Variants in EEF1G observed in about 807,000 individuals in gnomAD.
EEF1G encodes elongation factor 1-gamma.
EEF1G carries 14 observed loss-of-function variants against 58.3 expected under a neutral mutation model. That is an observed-to-expected ratio of 0.24 (90% CI 0.16 to 0.38). The LOEUF (loss-of-function observed/expected upper bound fraction) is 0.38, where lower values mean the gene tolerates loss of function less well. Ranked by LOEUF, EEF1G falls within the 10% of genes least tolerant of loss-of-function variation. The pLI, the probability that EEF1G is intolerant of heterozygous loss-of-function variation, is 1.00. For missense variants in EEF1G, 322 were observed against 550.1 expected (o/e 0.59, Z 4.15); for synonymous variants, 180 against 206.8 (o/e 0.87, Z 1.11).
chr11:62,562,626 A>C (rs765601335), intron 7 of EEF1G, among the ~76,000 whole-genome samples: 32 of 151,986 alleles, frequency 2.1e-4, no homozygotes, highest in Admixed American at 3.9e-4. Context: ...GATTACAGGC[A>C]CGTGCCACTA....
Position 62,564,485 on chromosome 11 carries a change from G to T in EEF1G, c.857+2321C>A, listed in dbSNP as rs1007862233. On this transcript the variant is annotated intron_variant, in intron 7 of 9. Coordinates refer to ENST00000329251, the MANE Select transcript of EEF1G (RefSeq NM_001404.5). ...TCTCACAAAAAAAAAAAAAAAGGCC[G>T]GGAGCAGTGGCTCATATCTGTAATC... Among the ~76,000 whole-genome samples, 5 of 149,992 alleles carry T rather than the reference G, an allele frequency of 3.3e-5. No individual in the cohort carries two copies. In the East Asian group the frequency reaches 9.7e-4, roughly 29 times the overall value.
At chr11:62,561,676 A>C (rs576264372) in intron 7 of EEF1G, among the ~76,000 whole-genome samples, 160 of 25,474 alleles carry the variant, frequency 6.3e-3, no homozygotes, top group Middle Eastern at 0.023. Flanking sequence ...AAAAACAAAA[A>C]AAAAACAAAA....
At chr11:62,564,850 G>A (rs1590708189) in intron 7 of EEF1G, among the ~76,000 whole-genome samples, 2 of 149,216 alleles carry the variant, frequency 1.3e-5, no homozygotes, top group African/African-American at 2.5e-5. Context: ...GGCGGATCAC[G>A]AGGTCAAGAG....
At chr11:62,566,179 C>T (rs1298148435) in intron 7 of EEF1G, among the ~76,000 whole-genome samples, 2 of 152,220 alleles carry the variant, frequency 1.3e-5, no homozygotes, top group African/African-American at 2.4e-5. Context: ...CCAAAAATCT[C>T]GTTTTTACTA....
In EEF1G at chr11:62,559,856, C is replaced by T; in HGVS notation, c.1156-19G>A. Reference sequence around the variant, plus strand: ...GACTCAGCTGGGGATAAAAAGCCAGCATGTGGTCAAGTTATGAGACACCAC... The same window carrying T: ...GACTCAGCTGGGGATAAAAAGCCAGTATGTGGTCAAGTTATGAGACACCAC... On this transcript the variant is annotated intron_variant, in intron 9 of 9. Coordinates refer to ENST00000329251, the MANE Select transcript of EEF1G (RefSeq NM_001404.5). 1 of 1,613,940 alleles carries T rather than the reference C, an allele frequency of 6.2e-7. No homozygotes were observed. The highest frequency in any genetic ancestry group is 8.5e-7 in the Non-Finnish European group (1 of 1,179,858).
At chr11:62,568,548 T>A (rs1335181353) in intron 5 of EEF1G, among the ~76,000 whole-genome samples, 1 of 152,094 alleles carries the variant, frequency 6.6e-6, no homozygotes, top group Non-Finnish European at 1.5e-5. Flanking sequence ...TTTCTTTTTC[T>A]AATCTTTTTT....
chr11:62,567,735 CA>C (rs753506099), intron 5 of EEF1G, among the ~76,000 whole-genome samples: 1 of 150,322 alleles, frequency 6.7e-6, no homozygotes, highest in East Asian at 2.0e-4. Flanking sequence ...GACAGAGTCT[CA>C]CTCTATCGCT....
At chr11:62,566,053 A>C (rs1590708747) in intron 7 of EEF1G, among the ~76,000 whole-genome samples, 1 of 152,212 alleles carries the variant, frequency 6.6e-6, no homozygotes, top group South Asian at 2.1e-4. Context: ...AAGTGACCAC[A>C]GAATATATAT....
In EEF1G at chr11:62,571,822, T is replaced by C. The variant is rs749754093; in HGVS notation, c.235+16A>G. On this transcript the variant is annotated intron_variant, in intron 3 of 9. Coordinates refer to ENST00000329251, the MANE Select transcript of EEF1G (RefSeq NM_001404.5). ...ACCTCCAAATTCTCCCATTCCCATA[T>C]ACCCCTGCAAATTACCATAGTAGGC... 4 of 1,583,648 alleles carry C rather than the reference T, an allele frequency of 2.5e-6. No individual in the cohort carries two copies. Among genetic ancestry groups the C allele is most frequent in the Non-Finnish European group, 3.4e-6 (4 of 1,164,648 alleles).
At chr11:62,567,863 G>A (rs1941575174) in intron 5 of EEF1G, among the ~76,000 whole-genome samples, 1 of 151,764 alleles carries the variant, frequency 6.6e-6, no homozygotes, top group Non-Finnish European at 1.5e-5. Context: ...GGGACTACAG[G>A]TGCCTGCCAC....
intron 5 of EEF1G, among the ~76,000 whole-genome samples, chr11:62,568,175 C>T (rs1293577470): frequency 4.0e-5 from 6 of 148,982 alleles, no homozygotes; most frequent in Non-Finnish European, 8.9e-5. Flanking sequence ...TTGCAGTGAG[C>T]GGAGATCGCG....
At chr11:62,571,497 T>C (rs1172175317) in intron 4 of EEF1G, 43 bp downstream of exon 4, 3 of 1,562,982 alleles carry the variant, frequency 1.9e-6, no homozygotes, top group Non-Finnish European at 1.7e-6. Context: ...CAGGAGCTGA[T>C]GCCACCCCTG....
intron 4 of EEF1G, 72 bp from the exon 5 acceptor site, chr11:62,571,180 C>T: frequency 1.9e-6 from 3 of 1,603,110 alleles, no homozygotes; most frequent in Non-Finnish European, 2.6e-6. Context: ...ATTAATAGAA[C>T]TAAGAGGGCT....
chr11:62,565,878 CA>C (rs1941549868), intron 7 of EEF1G, among the ~76,000 whole-genome samples: 1 of 152,146 alleles, frequency 6.6e-6, no homozygotes. Flanking sequence ...GTGTCCCTAC[CA>C]GTGGGTGCTC....
At chr11:62,560,567 G>A in intron 7 of EEF1G, 113 bp from the exon 8 acceptor site, 5 of 1,176,510 alleles carry the variant, frequency 4.2e-6, no homozygotes, top group South Asian at 1.5e-5. Flanking sequence ...TGGTCATTGT[G>A]CTGGCAGATG....
chr11:62,572,511 C>A, intron 2 of EEF1G, 73 bp downstream of exon 2: 1 of 1,569,950 alleles, frequency 6.4e-7, no homozygotes, highest in Non-Finnish European at 8.7e-7. Context: ...AGATGGGGGC[C>A]ACCACCAGAG....
chr11:62,572,673 G>C lies in EEF1G; in HGVS notation c.82C>G (p.Gln28Glu). ...GGTGGTGCGGAGAGCACGCGGACCT[G>C]AGCCCCGCTGTACTGAGCAGCGATG... ...ALIAAQYSGA[Q>E]VRVLSAPPHF... The change falls in exon 2 of 10, where the codon CAG becomes GAG. Residue 28 changes from glutamine to glutamate, a missense_variant. This residue lies in a region of EEF1G where 62 missense variants were observed against 87.0 expected (regional missense o/e 0.71). Coordinates refer to ENST00000329251, the MANE Select transcript of EEF1G (RefSeq NM_001404.5). 6.2e-7 allele frequency: 1 copy of C among 1,613,264 alleles called. No homozygotes were observed. Among genetic ancestry groups the C allele is most frequent in the Middle Eastern group, 1.8e-4 (1 of 5,416 alleles).
At chr11:62,563,246 C>A (rs1371067324) in intron 7 of EEF1G, among the ~76,000 whole-genome samples, 1 of 152,026 alleles carries the variant, frequency 6.6e-6, no homozygotes, top group Non-Finnish European at 1.5e-5. Context: ...CCTGCCTCAG[C>A]CTCCTGAGTA....
intron 2 of EEF1G, among the ~76,000 whole-genome samples, chr11:62,572,302 G>C (rs1421715322): frequency 6.6e-6 from 1 of 152,124 alleles, no homozygotes; most frequent in Admixed American, 6.5e-5. Context: ...TAAGAATTCT[G>C]CTCATAACAG....
Sources: allele counts gnomAD v4.1 joint callset (sites outside exome capture counted in the v4.1 genomes callset), GRCh38; gene constraint gnomAD v4.1.1; regional missense constraint gnomAD v4.1.1; transcripts MANE v1.5; gene names NCBI Gene and HGNC (gene_info 2026-07-23, HGNC 2026-07-21).